The following SYTL2 variants were observed in gnomAD, a reference collection of about 807,000 sequenced individuals.
The protein encoded by SYTL2 is synaptotagmin-like protein 2.
In SYTL2, 165 loss-of-function variants were observed where a neutral mutation model predicts 198.7. The observed-to-expected ratio is 0.83, with a 90% CI of 0.73 to 0.94. The LOEUF is 0.94. Ranked by LOEUF, SYTL2 falls within the 40% of genes least tolerant of loss-of-function variation. SYTL2 has a pLI of 0.00. For missense variants in SYTL2, 2,835 were observed against 2,582.8 expected, an observed-to-expected ratio of 1.10 and a Z score of -2.12; for synonymous variants, 966 against 917.7, an observed-to-expected ratio of 1.05 and a Z score of -0.95.
the SYTL2 span, among the ~76,000 whole-genome samples, chr11:85,845,675 G>A: frequency 3.1e-4 from 47 of 152,288 alleles, no homozygotes; most frequent in East Asian, 5.8e-4. Flanking sequence ...TTGGGAGGCC[G>A]AGGTGGGCGG....
chr11:85,784,181 G>A (rs939326578), intron 1 of SYTL2, among the ~76,000 whole-genome samples: 2 of 152,144 alleles, frequency 1.3e-5, no homozygotes, highest in East Asian at 3.9e-4. Context: ...CCTGACAGAG[G>A]AGAAAAGCAG....
intron 1 of SYTL2, among the ~76,000 whole-genome samples, chr11:85,780,087 C>T (rs181151843): frequency 2.6e-4 from 39 of 152,330 alleles, no homozygotes; most frequent in Admixed American, 1.6e-3. Context: ...GAAGACAATT[C>T]AGGCCACAGC....
chr11:85,698,030 C>A lies in SYTL2; in HGVS notation c.6317G>T (p.Cys2106Phe). 1 of 1,613,902 alleles carries A rather than the reference C, an allele frequency of 6.2e-7. No individual in the cohort carries two copies. The highest frequency in any genetic ancestry group is 8.5e-7 in the Non-Finnish European group (1 of 1,179,874). Residue 2106 changes from cysteine (C) to phenylalanine (F), a missense_variant, in exon 18 of 20, where the codon TGC (cysteine) becomes TTC (phenylalanine). By Grantham distance (205) the Cys-to-Phe change is radical (BLOSUM62 -2). Coordinates refer to ENST00000359152, the MANE Select transcript of SYTL2 (RefSeq NM_206927.4). ...TCCCCTTAGCAGTGGTAGATCAAGG[C>A]ATTCCTTCACCCAGATGTGCACTTC... ...TGEVHIWVKE[C>F]LDLPLLRGSH...
intron 2 of SYTL2, among the ~76,000 whole-genome samples, chr11:85,754,375 A>G (rs905489723): frequency 6.6e-6 from 1 of 152,214 alleles, no homozygotes; most frequent in African/African-American, 2.4e-5. Context: ...TTTTAGGAGT[A>G]ATTTCCTTCT....
chr11:85,698,423 A>G (rs2083733824), intron 17 of SYTL2, among the ~76,000 whole-genome samples: 2 of 152,244 alleles, frequency 1.3e-5, no homozygotes, highest in South Asian at 4.1e-4. Context: ...AAATGCATAT[A>G]CCTTGCAAAC....
chr11:85,792,890 G>C (rs933775402), intron 1 of SYTL2, among the ~76,000 whole-genome samples: 31 of 151,490 alleles, frequency 2.0e-4, no homozygotes, highest in Non-Finnish European at 4.3e-4. Flanking sequence ...TTGGGTTTTT[G>C]TTCTTGCGAT....
intron 17 of SYTL2, among the ~76,000 whole-genome samples, 189 bp downstream of exon 17, chr11:85,700,321 CTTTTT>C (rs10607209): frequency 3.6e-5 from 5 of 137,814 alleles, no homozygotes; most frequent in Admixed American, 7.3e-5. Flanking sequence ...TTTATGTTTT[CTTTTT>C]TTTTTTTTTT....
In SYTL2 at chr11:85,733,983, G is replaced by A. The variant is rs1298913518; in HGVS notation, c.1346C>T (p.Ser449Leu). The change falls in exon 7 of 20, where the codon TCA (serine) becomes TTA (leucine). Residue 449 changes from serine to leucine, a missense_variant. Ser to Leu is a moderately radical substitution (Grantham distance 145). This residue lies in a region of SYTL2 where 2,645 missense variants were observed against 2,381.7 expected (regional missense o/e 1.11). Coordinates refer to ENST00000359152, the MANE Select transcript of SYTL2 (RefSeq NM_206927.4). ...PTINEPKDKS[S>L]ELTRLESVLP... ...TACAGATTCAAGCCTTGTTAATTCTGATGATTTATCTTTGGGTTCATTGAT... is the reference window on the plus strand; with the variant it reads ...TACAGATTCAAGCCTTGTTAATTCTAATGATTTATCTTTGGGTTCATTGAT... 5.0e-6 allele frequency: 8 copies of A among 1,614,140 alleles called. No homozygotes were observed. Among genetic ancestry groups the A allele is most frequent in the Non-Finnish European group, 6.8e-6 (8 of 1,179,980 alleles).
intron 11 of SYTL2, among the ~76,000 whole-genome samples, chr11:85,715,715 C>T (rs986015370): frequency 6.6e-6 from 1 of 152,170 alleles, no homozygotes; most frequent in Non-Finnish European, 1.5e-5. Context: ...ACTAAAATGA[C>T]ACCTACTTTA....
intron 1 of SYTL2, among the ~76,000 whole-genome samples, chr11:85,770,249 T>C (rs2092328316): frequency 6.6e-6 from 1 of 152,122 alleles, no homozygotes. Context: ...CTATGGATGC[T>C]TTCCTCTCCT....
Position 85,734,278 on chromosome 11 carries a change from C to T in SYTL2, c.1051G>A (p.Gly351Ser). Residue 351 changes from glycine (G) to serine (S), a missense_variant, in exon 7 of 20, where the codon GGT becomes AGT. This residue lies in a region of SYTL2 where 2,645 missense variants were observed against 2,381.7 expected (regional missense o/e 1.11). Transcript: ENST00000359152. ...ELPQSPGLIHGREVGEFSVLE... is the reference protein window; with the variant it reads ...ELPQSPGLIHSREVGEFSVLE... ...ACACTAAATTCTCCTACTTCCCGACCATGGATTAGCCCAGGACTCTGTGGA... is the reference window on the plus strand; with the variant it reads ...ACACTAAATTCTCCTACTTCCCGACTATGGATTAGCCCAGGACTCTGTGGA... The T allele has an allele frequency of 6.2e-7, 1 of 1,614,190 alleles. No homozygotes were observed. Among genetic ancestry groups the T allele is most frequent in the Non-Finnish European group, 8.5e-7 (1 of 1,180,010 alleles).
At chr11:85,786,189 T>C (rs1161145684) in intron 1 of SYTL2, among the ~76,000 whole-genome samples, 2 of 152,222 alleles carry the variant, frequency 1.3e-5, no homozygotes, top group Non-Finnish European at 2.9e-5. Context: ...TATGACACTC[T>C]TGAAATGGCA....
chr11:85,833,002 AAAAGAAAGAAAAG>A, the SYTL2 span, among the ~76,000 whole-genome samples: 18 of 91,814 alleles, frequency 2.0e-4, no homozygotes, highest in Non-Finnish European at 2.6e-4. Context: ...TCTCAAAAAA[AAAAGAAAGAAAAG>A]AAAGAAAGAA....
chr11:85,847,868 T>G, the SYTL2 span, among the ~76,000 whole-genome samples: 1 of 152,182 alleles, frequency 6.6e-6, no homozygotes, highest in Admixed American at 6.5e-5. Context: ...ATCCCAGTCT[T>G]CTGGCAGGTA....
At chr11:85,806,577 A>C (rs1223596354) in intron 1 of SYTL2, among the ~76,000 whole-genome samples, 1 of 152,248 alleles carries the variant, frequency 6.6e-6, no homozygotes, top group East Asian at 1.9e-4. Context: ...ATAATAAAAA[A>C]TAAATAAGCA....
At chr11:85,745,571 T>G in intron 4 of SYTL2, 66 bp downstream of exon 4, 1 of 1,551,746 alleles carries the variant, frequency 6.4e-7, no homozygotes, top group African/African-American at 1.4e-5. Flanking sequence ...CCTGCCATTC[T>G]GCCCATGTGA....
rs973942378 is a variant in SYTL2 at position 85,743,638 on chromosome 11, G to A, written c.389+1999C>T. Among the ~76,000 whole-genome samples the A allele has an allele frequency of 7.9e-5, 12 of 152,056 alleles. No homozygotes were observed. The East Asian group carries it at 1.7e-3, about 22-fold the overall frequency. On this transcript the variant is annotated intron_variant, in intron 4 of 19. Transcript: ENST00000359152. Reference sequence around the variant, plus strand: ...TCACACAAGGAATGCAGAAAATAACGGAGATGCTAATCTTGAATACTATGT... The same window carrying A: ...TCACACAAGGAATGCAGAAAATAACAGAGATGCTAATCTTGAATACTATGT...
At chr11:85,807,218 G>A (rs1421369957) in intron 1 of SYTL2, among the ~76,000 whole-genome samples, 1 of 152,322 alleles carries the variant, frequency 6.6e-6, no homozygotes, top group African/African-American at 2.4e-5. Flanking sequence ...GTCCTCTTCT[G>A]TTCAGGATTG....
chr11:85,765,222 T>C (rs1426045230), intron 1 of SYTL2, among the ~76,000 whole-genome samples: 1 of 152,180 alleles, frequency 6.6e-6, no homozygotes, highest in Admixed American at 6.5e-5. Context: ...TAAGAAAGGA[T>C]AAGCTATCCA....
Sources: allele counts gnomAD v4.1 joint callset (sites outside exome capture counted in the v4.1 genomes callset), GRCh38; gene constraint gnomAD v4.1.1; regional missense constraint gnomAD v4.1.1; transcripts MANE v1.5; gene names NCBI Gene and HGNC (gene_info 2026-07-23, HGNC 2026-07-21).